AKNAD1: variants seen among roughly 807,000 people sequenced by gnomAD.
The protein encoded by AKNAD1 is protein AKNAD1.
Under a neutral mutation model 90.8 loss-of-function variants are expected in AKNAD1, and 67 were observed. The ratio of observed to expected loss-of-function variants is 0.74; its 90% CI spans 0.61 to 0.90. AKNAD1 has a LOEUF of 0.90. Among genes scored for constraint, AKNAD1 ranks in the 40% least tolerant of loss-of-function variants. The pLI is 0.00. For synonymous variants in AKNAD1, 327 were observed against 341.4 expected (o/e 0.96, Z 0.46); for missense variants, 957 against 975.4 (o/e 0.98, Z 0.25).
chr1:108,830,525 C>T lies in AKNAD1; in HGVS notation c.1838+34G>A, dbSNP rs758777168. ...TTACTATGCCAGGACTGACTCCAAT[C>T]CACCCTGGGAATGTAGCCACAAGAA... On this transcript the variant is annotated intron_variant, in intron 10 of 15. Coordinates refer to ENST00000370001, the MANE Select transcript of AKNAD1 (RefSeq NM_152763.5). The T allele has an allele frequency of 7.5e-6, 12 of 1,606,588 alleles. No individual in the cohort carries two copies. In the African/African-American group the frequency reaches 1.5e-4, roughly 20 times the overall value.
chr1:108,838,319 G>C, intron 6 of AKNAD1, among the ~76,000 whole-genome samples: 1 of 148,004 alleles, frequency 6.8e-6, no homozygotes, highest in African/African-American at 2.6e-5. Context: ...CAAAAAGATA[G>C]CCCCCCCCCC....
chr1:108,848,739 T>A lies in AKNAD1; in HGVS notation c.1245+13A>T, dbSNP rs886312561. On this transcript the variant is annotated intron_variant, in intron 5 of 15. Transcript: ENST00000370001. ...TCTAATCAAGATTTTAAAAACGGGA[T>A]AAAATTCATTACCAGCTTCTTGTCT... is the stretch of plus-strand genomic sequence containing the variant. The A allele has an allele frequency of 3.0e-5, 48 of 1,600,420 alleles. No homozygotes were observed. The highest frequency in any genetic ancestry group is 4.1e-5 in the Non-Finnish European group (48 of 1,175,982).
intron 2 of AKNAD1, among the ~76,000 whole-genome samples, chr1:108,850,492 G>T (rs551679424): frequency 1.4e-4 from 21 of 152,300 alleles, no homozygotes; most frequent in Middle Eastern, 3.4e-3. Context: ...CGGGGGTGTA[G>T]GTTTCTCTCA....
At chr1:108,834,787 G>A in intron 8 of AKNAD1, 142 bp downstream of exon 8, 2 of 1,306,794 alleles carry the variant, frequency 1.5e-6, no homozygotes, top group East Asian at 2.6e-5. Context: ...GGGCAGGTGA[G>A]GAGCCAGGCT....
chr1:108,829,740 A>G (rs1325527857), intron 10 of AKNAD1, among the ~76,000 whole-genome samples: 2 of 152,174 alleles, frequency 1.3e-5, no homozygotes, highest in African/African-American at 4.8e-5. Flanking sequence ...ATCTGCTTCT[A>G]TTAGAATCCA....
intron 5 of AKNAD1, 159 bp from the exon 6 acceptor site, chr1:108,843,426 A>G (rs1664611667): frequency 3.5e-6 from 3 of 859,232 alleles, no homozygotes; most frequent in Non-Finnish European, 5.2e-6. Flanking sequence ...TCTGACATCT[A>G]AACTACAGAC....
intron 7 of AKNAD1, among the ~76,000 whole-genome samples, chr1:108,836,536 C>T (rs1664393602): frequency 6.6e-6 from 1 of 152,174 alleles, no homozygotes; most frequent in Non-Finnish European, 1.5e-5. Flanking sequence ...TGACCTGACG[C>T]TAGAGCTGGG....
At chr1:108,835,102 C>T (rs747651405) in intron 7 of AKNAD1, 46 bp from the exon 8 acceptor site, 18 of 1,550,556 alleles carry the variant, frequency 1.2e-5, no homozygotes, top group Non-Finnish European at 1.6e-5. Flanking sequence ...CACAGTCCCA[C>T]TGGAGGTGAC....
chr1:108,835,155 T>A, intron 7 of AKNAD1, 99 bp from the exon 8 acceptor site: 1 of 1,385,266 alleles, frequency 7.2e-7, no homozygotes, highest in Non-Finnish European at 9.6e-7. Context: ...TAAGGCACCA[T>A]AACATCCTGC....
At chr1:108,830,028 C>T (rs1457981776) in intron 10 of AKNAD1, among the ~76,000 whole-genome samples, 1 of 152,180 alleles carries the variant, frequency 6.6e-6, no homozygotes, top group Non-Finnish European at 1.5e-5. Context: ...GGGAAGAAAT[C>T]AGCCCTGAGA....
At chr1:108,817,998 C>G (rs1228796425) in intron 14 of AKNAD1, among the ~76,000 whole-genome samples, 1 of 152,174 alleles carries the variant, frequency 6.6e-6, no homozygotes, top group African/African-American at 2.4e-5. Flanking sequence ...GATTGGTTCT[C>G]TCTCAGGGAT....
intron 6 of AKNAD1, among the ~76,000 whole-genome samples, chr1:108,842,026 TC>T (rs1302745764): frequency 6.6e-6 from 1 of 152,074 alleles, no homozygotes; most frequent in Non-Finnish European, 1.5e-5. Context: ...AGCAGAAGAT[TC>T]CTTGGAAAAT....
In AKNAD1 at chr1:108,834,326, A is replaced by G. The variant is rs554512521; in HGVS notation, c.1746+121T>C. 2.7e-4 allele frequency: 220 copies of G among 800,798 alleles called. 3 individuals carry two copies. In the South Asian group the frequency reaches 3.7e-3, roughly 14 times the overall value. 49.6% of individuals were successfully genotyped at this position (800,798 alleles called of 1,614,324 possible). A position where few individuals can be genotyped will look rare whatever the true frequency, so the allele number is the denominator to read the frequency against. ...CACCAGCACTGACACCCAGGATGCCATTAGGAAGAGGTAAGTGATCTTGAT... is the reference window on the plus strand; with the variant it reads ...CACCAGCACTGACACCCAGGATGCCGTTAGGAAGAGGTAAGTGATCTTGAT... On this transcript the variant is annotated intron_variant, in intron 9 of 15. Transcript: ENST00000370001.
chr1:108,816,133 AT>A lies in AKNAD1; in HGVS notation c.*37del, dbSNP rs11453763. The A allele has an allele frequency of 6.6e-7, 1 of 1,524,002 alleles. No individual in the cohort carries two copies. Among genetic ancestry groups the A allele is most frequent in the South Asian group, 1.3e-5 (1 of 76,202 alleles). The allele number at this position is 1,524,002 out of a possible 1,614,324, so 94.4% of individuals were successfully genotyped here. A position where few individuals can be genotyped will look rare whatever the true frequency, so the allele number is the denominator to read the frequency against. On this transcript the variant is annotated 3_prime_UTR_variant, in exon 16 of 16. Transcript: ENST00000370001. ...TGGGGGAAGATCAAGTTTTCTTTGCATTTTTTTCTTTTGAATCCTTGGTAGC... is the reference window on the plus strand; with the variant it reads ...TGGGGGAAGATCAAGTTTTCTTTGCATTTTTTCTTTTGAATCCTTGGTAGC...
At chr1:108,827,833 T>C (rs1444164678) in intron 10 of AKNAD1, among the ~76,000 whole-genome samples, 1 of 138,014 alleles carries the variant, frequency 7.2e-6, no homozygotes, top group Non-Finnish European at 1.6e-5. Context: ...AAAAAGAAAA[T>C]GTATACAAGA....
chr1:108,821,661 G>C (rs1015217193), intron 13 of AKNAD1, among the ~76,000 whole-genome samples: 1 of 152,110 alleles, frequency 6.6e-6, no homozygotes, highest in Non-Finnish European at 1.5e-5. Context: ...AAGATTCTAG[G>C]AGTAGAAATT....
chr1:108,834,490 T>C lies in AKNAD1; in HGVS notation c.1703A>G (p.Asn568Ser). The part of the protein sequence containing the change: ...NGHYGDAAAQ[N>S]KPDQVAMRLS... ...CCTCATGGCCACTTGGTCTGGCTTG[T>C]TCTGGGCAGCTGCATCTCCATAATG... The change falls in exon 9 of 16, where the codon AAC (asparagine) becomes AGC (serine). Residue 568 changes from asparagine to serine, a missense_variant. Asn to Ser is a conservative substitution (Grantham distance 46). Transcript: ENST00000370001. 2 of 1,611,034 alleles carry C rather than the reference T, an allele frequency of 1.2e-6. No individual in the cohort carries two copies.
chr1:108,832,378 C>A (rs1034275924), intron 9 of AKNAD1, among the ~76,000 whole-genome samples: 3 of 152,034 alleles, frequency 2.0e-5, no homozygotes, highest in Admixed American at 2.0e-4. Context: ...AACACACCAC[C>A]CCACCCAGCT....
chr1:108,853,745 C>A (rs1664942639), intron 1 of AKNAD1, among the ~76,000 whole-genome samples: 1 of 151,800 alleles, frequency 6.6e-6, no homozygotes. Context: ...ACCAGCCTGG[C>A]CAACATGGCG....
Sources: allele counts gnomAD v4.1 joint callset (sites outside exome capture counted in the v4.1 genomes callset), GRCh38; gene constraint gnomAD v4.1.1; transcripts MANE v1.5; gene names NCBI Gene and HGNC (gene_info 2026-07-23, HGNC 2026-07-21).